DLC1: variants seen among roughly 807,000 people sequenced by gnomAD.
DLC1 encodes DLC1 Rho GTPase activating protein.
Under a neutral mutation model 140.3 loss-of-function variants are expected in DLC1, and 54 were observed. That is an observed-to-expected ratio of 0.38 (90% CI 0.31 to 0.48). The LOEUF (loss-of-function observed/expected upper bound fraction) is 0.48. DLC1 is among the 20% of genes least tolerant of loss of function. The pLI is 0.96. For missense variants in DLC1, 2,536 were observed against 1,907.0 expected (o/e 1.33, Z -6.14); for synonymous variants, 986 against 728.1 (o/e 1.35, Z -5.70).
intron 2 of DLC1, among the ~76,000 whole-genome samples, chr8:13,462,457 G>T (rs1369582296): frequency 6.7e-6 from 1 of 148,944 alleles, no homozygotes; most frequent in African/African-American, 2.5e-5. Flanking sequence ...AGGCTGGAGT[G>T]CAGTGGCGCG....
At chr8:13,469,685 G>T (rs1005697168) in intron 2 of DLC1, among the ~76,000 whole-genome samples, 16 of 152,122 alleles carry the variant, frequency 1.1e-4, no homozygotes, top group Admixed American at 4.6e-4. Context: ...ATAAAAATGT[G>T]CAATAATAAA....
intron 5 of DLC1, among the ~76,000 whole-genome samples, chr8:13,122,248 A>T (rs1821152007): frequency 6.6e-6 from 1 of 152,188 alleles, no homozygotes; most frequent in Non-Finnish European, 1.5e-5. Context: ...CAGCCTTCAC[A>T]GTTTGGCATC....
intron 2 of DLC1, among the ~76,000 whole-genome samples, chr8:13,439,262 T>G (rs1045953741): frequency 1.3e-5 from 2 of 152,080 alleles, no homozygotes; most frequent in African/African-American, 4.8e-5. Flanking sequence ...AGGCAGAGGT[T>G]GCAGTGAGCA....
intron 1 of DLC1, 117 bp downstream of exon 1, chr8:13,514,485 G>C (rs938236161): frequency 3.3e-5 from 13 of 397,358 alleles, no homozygotes; most frequent in African/African-American, 2.7e-4. Context: ...TGATTTTATG[G>C]CTTTGCTCTA....
At chr8:13,601,742 G>C (rs1006635074) in intron 1 of DLC1, among the ~76,000 whole-genome samples, 1 of 151,566 alleles carries the variant, frequency 6.6e-6, no homozygotes, top group Non-Finnish European at 1.5e-5. Context: ...TAAAAAACCT[G>C]AGACAATTAA....
At chr8:13,153,697 A>T (rs4255138) in intron 5 of DLC1, among the ~76,000 whole-genome samples, 53,558 of 150,712 alleles carry the variant, frequency 0.36, 10,259 homozygotes, top group East Asian at 0.53. Flanking sequence ...TAGAGGTAAA[A>T]GTTCTCCAAG....
intron 4 of DLC1, among the ~76,000 whole-genome samples, chr8:13,312,386 A>AAATAATAAT (rs1554494787): frequency 0.051 from 4,168 of 81,586 alleles, 423 homozygotes; most frequent in Non-Finnish European, 0.07. Flanking sequence ...AAAAAAAAAA[A>AAATAATAAT]AATAATTTCT....
intron 1 of DLC1, among the ~76,000 whole-genome samples, chr8:13,502,446 GT>G (rs1252768484): frequency 2.6e-5 from 4 of 151,928 alleles, no homozygotes; most frequent in South Asian, 2.1e-4. Flanking sequence ...TGGTCTGATA[GT>G]TTTTTTAAAA....
At chr8:13,212,705 G>A (rs1247847302) in intron 5 of DLC1, among the ~76,000 whole-genome samples, 1 of 152,046 alleles carries the variant, frequency 6.6e-6, no homozygotes, top group Non-Finnish European at 1.5e-5. Flanking sequence ...GTGCTTTCTC[G>A]AGTGGCTTTC....
At chr8:13,230,799 G>T (rs1829014177) in intron 5 of DLC1, among the ~76,000 whole-genome samples, 1 of 151,958 alleles carries the variant, frequency 6.6e-6, no homozygotes, top group Non-Finnish European at 1.5e-5. Context: ...GTTTCACTAT[G>T]TTGGCCAGGC....
chr8:13,089,320 C>G (rs904507081), intron 15 of DLC1, among the ~76,000 whole-genome samples: 8 of 149,446 alleles, frequency 5.4e-5, no homozygotes, highest in African/African-American at 2.0e-4. Context: ...TATCAGAGTG[C>G]ATGCAATAAA....
intron 4 of DLC1, among the ~76,000 whole-genome samples, chr8:13,307,471 C>G (rs1164444669): frequency 1.3e-5 from 2 of 152,048 alleles, no homozygotes; most frequent in African/African-American, 4.8e-5. Context: ...TCTATGTGTC[C>G]CTTAAAACAT....
chr8:13,515,053 G>C (rs962768962), upstream of DLC1, among the ~76,000 whole-genome samples: 4 of 152,078 alleles, frequency 2.6e-5, no homozygotes, highest in African/African-American at 7.2e-5. Flanking sequence ...ATTAGCTGTA[G>C]AGTCATAAAG....
intron 5 of DLC1, among the ~76,000 whole-genome samples, chr8:13,301,371 G>A (rs566007975): frequency 3.5e-4 from 53 of 152,260 alleles, no homozygotes; most frequent in Non-Finnish European, 6.5e-4. Flanking sequence ...TTAGTACCAC[G>A]AGGAAGCATT....
intron 1 of DLC1, among the ~76,000 whole-genome samples, chr8:13,541,742 G>A (rs961538664): frequency 3.3e-5 from 5 of 152,054 alleles, no homozygotes; most frequent in African/African-American, 1.2e-4. Flanking sequence ...GTAGAGATGG[G>A]GTTTCACCGT....
chr8:13,363,119 A>G (rs1586210394), intron 4 of DLC1, among the ~76,000 whole-genome samples: 2 of 152,386 alleles, frequency 1.3e-5, no homozygotes, highest in South Asian at 4.1e-4. Context: ...TGAGACAAAC[A>G]TCACACAAAT....
intron 2 of DLC1, among the ~76,000 whole-genome samples, chr8:13,431,753 G>A (rs916250786): frequency 6.6e-6 from 1 of 152,100 alleles, no homozygotes; most frequent in Non-Finnish European, 1.5e-5. Context: ...TTACCTATCT[G>A]TAGGGCTTGG....
chr8:13,448,614 T>C (rs1337254045), intron 2 of DLC1, among the ~76,000 whole-genome samples: 3 of 152,114 alleles, frequency 2.0e-5, no homozygotes, highest in Admixed American at 6.6e-5. Context: ...CCACCTCAGC[T>C]TCCCAAAGTG....
chr8:13,485,961 C>G (rs992050392), intron 2 of DLC1, among the ~76,000 whole-genome samples: 1 of 152,200 alleles, frequency 6.6e-6, no homozygotes. Flanking sequence ...AATCCGCTAG[C>G]TAACTTCCTT....
Sources: allele counts gnomAD v4.1 joint callset (sites outside exome capture counted in the v4.1 genomes callset), GRCh38; gene constraint gnomAD v4.1.1; transcripts MANE v1.5; gene names NCBI Gene and HGNC (gene_info 2026-07-23, HGNC 2026-07-21).